The following GSE1 variants were observed in gnomAD, a reference collection of about 807,000 sequenced individuals.
GSE1 encodes the protein Gse1 coiled-coil protein.
In GSE1, 32 loss-of-function variants were observed where a neutral mutation model predicts 112.6. The ratio of observed to expected loss-of-function variants is 0.28; its 90% CI spans 0.21 to 0.38. The LOEUF is 0.38. Among genes scored for constraint, GSE1 ranks in the 10% least tolerant of loss-of-function variants. The pLI, the probability that GSE1 is intolerant of heterozygous loss-of-function variation, is 1.00. For missense variants in GSE1, 2,348 were observed against 1,699.2 expected (o/e 1.38, Z -6.71); for synonymous variants, 1,115 against 735.6 (o/e 1.52, Z -8.35).
At chr16:85,657,637 G>C in intron 8 of GSE1, 33 bp downstream of exon 8, 32 of 1,410,150 alleles carry the variant, frequency 2.3e-5, no homozygotes, top group South Asian at 5.8e-5. Context: ...GGAGGGATGA[G>C]CCTTCACGTT....
chr16:85,600,027 C>A (rs1371180032), intron 1 of GSE1, among the ~76,000 whole-genome samples: 1 of 152,214 alleles, frequency 6.6e-6, no homozygotes, highest in Non-Finnish European at 1.5e-5. Context: ...CCCTTGAAGC[C>A]GTGCCTGGCT....
chr16:85,379,711 G>T (rs1335667340), intron 2 of GSE1, among the ~76,000 whole-genome samples: 2 of 152,240 alleles, frequency 1.3e-5, no homozygotes, highest in Non-Finnish European at 2.9e-5. Flanking sequence ...GGCGCCAGGA[G>T]TCCCGGAGTC....
upstream of GSE1, among the ~76,000 whole-genome samples, chr16:85,609,896 A>G (rs144089255): frequency 3.9e-5 from 6 of 152,266 alleles, no homozygotes; most frequent in African/African-American, 1.4e-4. Flanking sequence ...ATCTCAAGCA[A>G]TATGCCTATC....
intron 2 of GSE1, among the ~76,000 whole-genome samples, chr16:85,455,381 AAGAG>A (rs147528394): frequency 1.9e-4 from 28 of 149,702 alleles, no homozygotes; most frequent in East Asian, 1.6e-3. Flanking sequence ...GGCATTACAA[AAGAG>A]AGAGAGAGAG....
intron 2 of GSE1, among the ~76,000 whole-genome samples, chr16:85,397,428 G>A (rs868391325): frequency 3.9e-5 from 6 of 152,242 alleles, no homozygotes; most frequent in African/African-American, 1.4e-4. Flanking sequence ...TGCATGGCAC[G>A]TGTATCTCCT....
At chr16:85,644,343 C>G (rs867915863) in intron 2 of GSE1, among the ~76,000 whole-genome samples, 1 of 119,694 alleles carries the variant, frequency 8.4e-6, no homozygotes, top group African/African-American at 3.1e-5. Context: ...GATCCTGTCT[C>G]AAAAAAAAAA....
At chr16:85,239,671 A>G (rs1047369647) in intron 1 of GSE1, among the ~76,000 whole-genome samples, 5 of 152,222 alleles carry the variant, frequency 3.3e-5, no homozygotes, top group Admixed American at 6.5e-5. Context: ...CCCAGCTCCT[A>G]GTGAGGGCTC....
chr16:85,634,250 T>C lies in GSE1; in HGVS notation c.226+118T>C, dbSNP rs945457129. ...GTCTCGTCTTTCCCACGCCGTGTGCTCTGCATGGAGCAGGCAGTGCTGGCT... is the reference window on the plus strand; with the variant it reads ...GTCTCGTCTTTCCCACGCCGTGTGCCCTGCATGGAGCAGGCAGTGCTGGCT... On this transcript the variant is annotated intron_variant, in intron 2 of 15. Transcript: ENST00000253458. 3 of 706,648 alleles carry C rather than the reference T, an allele frequency of 4.2e-6. No individual in the cohort carries two copies. In the Admixed American group the frequency reaches 1.2e-4, roughly 29 times the overall value. 43.8% of individuals were successfully genotyped at this position (706,648 alleles called of 1,614,324 possible).
At chr16:85,471,310 T>C (rs967118409) in intron 2 of GSE1, among the ~76,000 whole-genome samples, 1 of 152,194 alleles carries the variant, frequency 6.6e-6, no homozygotes, top group African/African-American at 2.4e-5. Context: ...ATTTCGTAGC[T>C]CCAACCTCAT....
intron 2 of GSE1, among the ~76,000 whole-genome samples, chr16:85,360,973 C>T (rs370286766): frequency 6.6e-6 from 1 of 152,020 alleles, no homozygotes; most frequent in African/African-American, 2.4e-5. Flanking sequence ...ACAAACATAC[C>T]ACACACAGCC....
intron 1 of GSE1, among the ~76,000 whole-genome samples, chr16:85,579,203 G>A (rs1336955125): frequency 2.0e-5 from 3 of 152,186 alleles, no homozygotes; most frequent in African/African-American, 7.2e-5. Flanking sequence ...TGGTCGGGGT[G>A]GAGGGGACCC....
intron 1 of GSE1, among the ~76,000 whole-genome samples, chr16:85,274,742 A>C (rs1462065442): frequency 1.3e-5 from 2 of 152,324 alleles, no homozygotes; most frequent in East Asian, 1.9e-4. Context: ...CAGGCTGACC[A>C]CTGAGGCTGC....
At chr16:85,193,931 C>G (rs961235279) in intron 1 of GSE1, among the ~76,000 whole-genome samples, 1 of 152,120 alleles carries the variant, frequency 6.6e-6, no homozygotes, top group Non-Finnish European at 1.5e-5. Flanking sequence ...GATCTTATTC[C>G]GACTTCTCCA....
chr16:85,550,130 A>G (rs1316010844), intron 2 of GSE1, among the ~76,000 whole-genome samples: 3 of 152,102 alleles, frequency 2.0e-5, no homozygotes, highest in Non-Finnish European at 4.4e-5. Flanking sequence ...CCAGGTAAGG[A>G]AACTGAGGGT....
chr16:85,664,255 CT>C (rs1397212985), intron 11 of GSE1, among the ~76,000 whole-genome samples: 1 of 152,266 alleles, frequency 6.6e-6, no homozygotes, highest in Non-Finnish European at 1.5e-5. Context: ...GGCCCTGCCC[CT>C]TACGCACGCT....
rs369303111 is a variant in GSE1, at chr16:85,189,155, C to T, written c.2283+17348C>T. 3.9e-5 allele frequency among the ~76,000 whole-genome samples: 6 copies of T among 152,332 alleles called. No homozygotes were observed. In the South Asian group the frequency reaches 6.2e-4, roughly 16 times the overall value. On this transcript the variant is annotated intron_variant, in intron 1 of 2. Transcript: ENST00000637419. ...CACATTTCTGCCTATTTTCCTGCTC[C>T]GGGGAGCCTTCTTTGCTGGCTCCTG...
rs1229565503 is a variant in GSE1, at chr16:85,675,993, A to G, written c.*3454A>G. ...ACCCTGTGCTTAATTCTATAACAGT[A>G]AACCCCATACGCAGGTGGGAGGGAG... On this transcript the variant is annotated 3_prime_UTR_variant, in exon 16 of 16. Transcript: ENST00000253458. The G allele has an allele frequency of 6.6e-6, 1 of 152,634 alleles. No individual in the cohort carries two copies. Among genetic ancestry groups the G allele is most frequent in the African/African-American group, 2.4e-5 (1 of 41,448 alleles). The allele number at this position is 152,634 out of a possible 1,614,324, so 9.5% of individuals were successfully genotyped here. A position where few individuals can be genotyped will look rare whatever the true frequency, so the allele number is the denominator to read the frequency against.
At chr16:85,289,481 C>G (rs750805512) in intron 1 of GSE1, among the ~76,000 whole-genome samples, 1 of 152,184 alleles carries the variant, frequency 6.6e-6, no homozygotes, top group Non-Finnish European at 1.5e-5. Context: ...TGTGTGAACC[C>G]TCTGGGAGCC....
intron 2 of GSE1, among the ~76,000 whole-genome samples, chr16:85,366,668 C>T (rs2047192029): frequency 6.6e-6 from 1 of 152,218 alleles, no homozygotes. Flanking sequence ...ATCTGGTTTC[C>T]CTCAGCTGGT....
Sources: allele counts gnomAD v4.1 joint callset (sites outside exome capture counted in the v4.1 genomes callset), GRCh38; gene constraint gnomAD v4.1.1; transcripts MANE v1.5; gene names NCBI Gene and HGNC (gene_info 2026-07-23, HGNC 2026-07-21).